Variants in ARHGAP29 observed in about 807,000 individuals in gnomAD.
The protein encoded by ARHGAP29 is Rho GTPase activating protein 29, also known as rho GTPase-activating protein 29.
A neutral mutation model predicts 122.6 loss-of-function variants in ARHGAP29; 43 were observed. The observed-to-expected ratio is 0.35, with a 90% CI of 0.27 to 0.45. The LOEUF is 0.45. Among genes scored for constraint, ARHGAP29 ranks in the 20% least tolerant of loss-of-function variants. The pLI, the probability that ARHGAP29 is intolerant of heterozygous loss-of-function variation, is 1.00. For synonymous variants in ARHGAP29, 506 were observed against 497.1 expected (o/e 1.02, Z -0.24); for missense variants, 1,303 against 1,477.2 (o/e 0.88, Z 1.93).
chr1:94,214,007 T>G lies in ARHGAP29; in HGVS notation c.341-4657A>C, dbSNP rs191572791. Among the ~76,000 whole-genome samples the G allele has an allele frequency of 4.7e-3, 715 of 152,308 alleles. 2 individuals carry two copies. Among genetic ancestry groups the G allele is most frequent in the African/African-American group, 0.016 (670 of 41,558 alleles). On this transcript the variant is annotated intron_variant, in intron 3 of 22. Coordinates refer to ENST00000260526, the MANE Select transcript of ARHGAP29 (RefSeq NM_004815.4). The stretch of plus-strand genomic sequence containing the variant: ...CACTTAATATGTATGTTGGACAAGC[T>G]TCTCTCTATGCCTCAGTTTCCATAT...
At chr1:94,212,867 C>T (rs1651726551) in intron 3 of ARHGAP29, among the ~76,000 whole-genome samples, 1 of 152,048 alleles carries the variant, frequency 6.6e-6, no homozygotes, top group Admixed American at 6.6e-5. Context: ...ATAAATATAC[C>T]TACTCTTTCC....
At chr1:94,237,682 G>A (rs1214104392), upstream of ARHGAP29, 27 of 985,420 alleles carry the variant, frequency 2.7e-5, no homozygotes, top group Non-Finnish European at 3.3e-5. Flanking sequence ...GCTCCCGGGG[G>A]CGGGGCCGGC....
Position 94,202,967 on chromosome 1 carries a change from T to A in ARHGAP29, c.905A>T (p.Lys302Ile), listed in dbSNP as rs777881884. The change falls in exon 10 of 23, where the codon AAA becomes ATA. Residue 302 changes from lysine to isoleucine, a missense_variant. Lys to Ile is a moderately radical substitution (Grantham distance 102). Transcript: ENST00000260526. ...AAGCTCTTTTATTTCTTTCCTTTGT[T>A]TTTCCATTTCATTTTTCCTTCCAAG... Reference protein sequence around the residue: ...PLLGRKNEMEKQRKEIKELWK... With the variant: ...PLLGRKNEMEIQRKEIKELWK... 3.7e-6 allele frequency: 6 copies of A among 1,609,426 alleles called. No individual in the cohort carries two copies. The highest frequency in any genetic ancestry group is 2.2e-5 in the East Asian group (1 of 44,806).
chr1:94,189,826 A>G, intron 13 of ARHGAP29, 100 bp downstream of exon 13: 1 of 1,200,734 alleles, frequency 8.3e-7, no homozygotes. Flanking sequence ...AAAATTTTTA[A>G]TTTTGTCAGT....
chr1:94,225,035 G>A (rs1652537149), intron 2 of ARHGAP29, among the ~76,000 whole-genome samples: 1 of 152,042 alleles, frequency 6.6e-6, no homozygotes, highest in South Asian at 2.1e-4. Context: ...TAATCACAAA[G>A]GTTCATAAAC....
Position 94,262,100 on chromosome 1 carries a change from AC to A in ARHGAP29, c.-33+12911del, listed in dbSNP as rs1455574716. On this transcript the variant is annotated intron_variant and NMD_transcript_variant, in intron 1 of 25. Transcript: ENST00000552844. Reference sequence around the variant, plus strand: ...ACAGATTGCTGAGAAAAAAGGCCACACACCTACAACCATCTGATCTTTGACA... The same window carrying A: ...ACAGATTGCTGAGAAAAAAGGCCACAACCTACAACCATCTGATCTTTGACA... Among the ~76,000 whole-genome samples, 7 of 152,214 alleles carry A rather than the reference AC, an allele frequency of 4.6e-5. No individual in the cohort carries two copies. The South Asian group carries it at 8.3e-4, about 18-fold the overall frequency.
the ARHGAP29 span, among the ~76,000 whole-genome samples, chr1:94,310,000 T>C: frequency 6.6e-6 from 1 of 152,152 alleles, no homozygotes; most frequent in Non-Finnish European, 1.5e-5. Flanking sequence ...ATACATTCCC[T>C]TTACCACCAA....
chr1:94,202,221 C>T, intron 11 of ARHGAP29: 1 of 494,466 alleles, frequency 2.0e-6, no homozygotes, highest in South Asian at 3.5e-5. Flanking sequence ...AGTACACATA[C>T]ACACACACAC....
intron 1 of ARHGAP29, among the ~76,000 whole-genome samples, chr1:94,256,522 T>C (rs554557681): frequency 8.1e-4 from 115 of 142,082 alleles, no homozygotes; most frequent in Non-Finnish European, 1.3e-3. Context: ...AGAAATAGAT[T>C]TAACAGTACT....
chr1:94,305,502 T>C, the ARHGAP29 span, among the ~76,000 whole-genome samples: 16 of 152,318 alleles, frequency 1.1e-4, no homozygotes, highest in African/African-American at 3.9e-4. Context: ...TCAGACCATT[T>C]GGGCAGATGA....
At position 94,220,371 on chromosome 1, in the gene ARHGAP29, T is replaced by G; in HGVS notation, c.227A>C (p.His76Pro). 2 of 1,603,130 alleles carry G rather than the reference T, an allele frequency of 1.2e-6. No homozygotes were observed. The highest frequency in any genetic ancestry group is 1.7e-6 in the Non-Finnish European group (2 of 1,173,798). Residue 76 changes from histidine (H) to proline (P), a missense_variant, in exon 3 of 23, where the codon CAT becomes CCT. Physicochemically the swap from His to Pro is moderately conservative, Grantham distance 77 (BLOSUM62 -2). Coordinates refer to ENST00000260526, the MANE Select transcript of ARHGAP29 (RefSeq NM_004815.4). ...IFSDCFKEVI[H>P]IRLEELLRVL... Reference sequence around the variant, plus strand: ...ACGGAGCAGTTCCTCTAGACGTATATGAATAACTTCTTTAAAACAGTCTTT... The same window carrying G: ...ACGGAGCAGTTCCTCTAGACGTATAGGAATAACTTCTTTAAAACAGTCTTT...
intron 12 of ARHGAP29, chr1:94,194,322 A>T (rs1357490533): frequency 6.6e-6 from 1 of 152,096 alleles, no homozygotes; most frequent in Non-Finnish European, 1.5e-5. Flanking sequence ...TCCATGAAAG[A>T]GATAATTTTT....
chr1:94,216,514 T>C (rs1651964587), intron 3 of ARHGAP29, among the ~76,000 whole-genome samples: 1 of 152,212 alleles, frequency 6.6e-6, no homozygotes. Context: ...GAGTGACTAA[T>C]AGTCAAAAGC....
At chr1:94,221,805 ACACT>A (rs1241074738) in intron 2 of ARHGAP29, among the ~76,000 whole-genome samples, 4 of 151,668 alleles carry the variant, frequency 2.6e-5, no homozygotes, top group African/African-American at 4.8e-5. Flanking sequence ...AAAAGAAATG[ACACT>A]CAGCAGCAAC....
chr1:94,253,260 C>T (rs183637280), intron 1 of ARHGAP29, among the ~76,000 whole-genome samples: 7 of 152,214 alleles, frequency 4.6e-5, no homozygotes, highest in African/African-American at 1.2e-4. Context: ...TGAGCCACTG[C>T]GCCCGATCCA....
In ARHGAP29 at chr1:94,184,117, T is replaced by C. The variant is rs368445017; in HGVS notation, c.2247+34A>G. 2.8e-4 allele frequency: 441 copies of C among 1,588,914 alleles called. 1 individual carries two copies. The highest frequency in any genetic ancestry group is 3.5e-4 in the Non-Finnish European group (414 of 1,171,730). ...CAAATCATATTTTTGCTGTTTTTAA[T>C]TTAATGGTGGGTTTCAAGGGTAAAA... is the stretch of plus-strand genomic sequence containing the variant. On this transcript the variant is annotated intron_variant, in intron 19 of 22. Transcript: ENST00000260526.
the ARHGAP29 span, among the ~76,000 whole-genome samples, chr1:94,293,725 G>A: frequency 3.0e-4 from 45 of 152,232 alleles, no homozygotes; most frequent in Non-Finnish European, 5.9e-4. Flanking sequence ...CGGGGGAGGT[G>A]TGCAGGAAAG....
intron 19 of ARHGAP29, among the ~76,000 whole-genome samples, chr1:94,180,422 A>C (rs1172374455): frequency 6.6e-6 from 1 of 152,226 alleles, no homozygotes. Flanking sequence ...CTAATTTTTT[A>C]ATACACCTTG....
chr1:94,233,411 T>TAGCAGTAA (rs11281663), intron 1 of ARHGAP29, among the ~76,000 whole-genome samples: 47 of 151,594 alleles, frequency 3.1e-4, no homozygotes, highest in African/African-American at 1.1e-3. Context: ...GCTACCACAC[T>TAGCAGTAA]AGTGAATTAC....
Sources: gnomAD v4.1 joint callset for allele counts (sites outside exome capture counted in the v4.1 genomes callset) on GRCh38, gnomAD v4.1.1 for gene constraint, MANE v1.5 for transcripts, NCBI Gene and HGNC (gene_info 2026-07-23, HGNC 2026-07-21) for gene names.